FOXP1: variants seen among roughly 807,000 people sequenced by gnomAD.
FOXP1 encodes the protein forkhead box P1, also known as forkhead box protein P1.
In FOXP1, 15 loss-of-function variants were observed where a neutral mutation model predicts 98.2. That is an observed-to-expected ratio of 0.15 (90% confidence interval 0.10 to 0.24). The LOEUF (loss-of-function observed/expected upper bound fraction) is 0.24. FOXP1 is among the 10% of genes least tolerant of loss of function. The pLI is 1.00. For missense variants in FOXP1, 633 were observed against 848.5 expected (o/e 0.75, Z 3.15); for synonymous variants, 371 against 314.5 (o/e 1.18, Z -1.90).
intron 5 of FOXP1, among the ~76,000 whole-genome samples, chr3:71,205,185 G>A (rs945947380): frequency 2.6e-5 from 4 of 152,036 alleles, no homozygotes; most frequent in Non-Finnish European, 2.9e-5. Context: ...GATAAGGGAC[G>A]GCTAAAATTA....
intron 3 of FOXP1, among the ~76,000 whole-genome samples, chr3:71,472,167 T>C (rs760912444): frequency 7.2e-5 from 11 of 152,144 alleles, no homozygotes; most frequent in Non-Finnish European, 1.5e-4. Flanking sequence ...AATTCTTATT[T>C]TGCAGAGGAC....
intron 3 of FOXP1, among the ~76,000 whole-genome samples, chr3:71,423,535 A>G (rs1017610042): frequency 1.3e-5 from 2 of 152,214 alleles, no homozygotes; most frequent in Non-Finnish European, 2.9e-5. Flanking sequence ...TTCTCCTCAC[A>G]CAAAGAGCAT....
At chr3:71,572,966 A>G (rs907109672) in intron 2 of FOXP1, 2 of 152,232 alleles carry the variant, frequency 1.3e-5, no homozygotes, top group African/African-American at 4.8e-5. Flanking sequence ...AAAATGCTTG[A>G]GACCAAGGCA....
intron 4 of FOXP1, among the ~76,000 whole-genome samples, chr3:71,303,598 A>T (rs1222051508): frequency 6.6e-6 from 1 of 152,234 alleles, no homozygotes; most frequent in Non-Finnish European, 1.5e-5. Flanking sequence ...ATATAAGGAC[A>T]TCAACATATA....
chr3:71,459,236 G>A (rs1006866657), intron 3 of FOXP1, among the ~76,000 whole-genome samples: 1 of 152,164 alleles, frequency 6.6e-6, no homozygotes, highest in Non-Finnish European at 1.5e-5. Flanking sequence ...TGGGTATTAG[G>A]TACAGTCTTT....
At chr3:71,573,942 G>A (rs1283567793) in intron 2 of FOXP1, 2 of 152,206 alleles carry the variant, frequency 1.3e-5, no homozygotes, top group East Asian at 1.9e-4. Context: ...AACAAACAAG[G>A]CGGAATGACT....
In FOXP1 at chr3:71,424,340, C is replaced by T. The variant is rs9875892; in HGVS notation, c.-167-65096G>A. On this transcript the variant is annotated intron_variant, in intron 3 of 20. Coordinates refer to ENST00000649528, the MANE Select transcript of FOXP1 (RefSeq NM_001349338.3). ...AATGTCCATCTTTTGCAAGCTCTGG[C>T]GATGTTGCAAGCACTGGGTAGGGCG... Among the ~76,000 whole-genome samples the T allele has an allele frequency of 5.0e-3, 756 of 152,232 alleles. 8 individuals carry two copies. The highest frequency in any genetic ancestry group is 0.017 in the African/African-American group (698 of 41,528).
chr3:71,314,312 C>T lies in FOXP1; in HGVS notation c.-72-14432G>A, dbSNP rs1384572188. 1.3e-5 allele frequency among the ~76,000 whole-genome samples: 2 copies of T among 152,068 alleles called. 1 individual carries two copies. Among genetic ancestry groups the T allele is most frequent in the South Asian group, 4.1e-4 (2 of 4,826 alleles). ...TTAGGAGGCTGAGGTGGGCGGATCT[C>T]AAGGTCAGGAGATTGAGACCATCCT... is the stretch of plus-strand genomic sequence containing the variant. On this transcript the variant is annotated intron_variant, in intron 4 of 20. Transcript: ENST00000649528.
Position 70,958,227 on chromosome 3 carries a change from AGAAAATCC to A in FOXP1, c.*1012_*1019del. On this transcript the variant is annotated 3_prime_UTR_variant, in exon 21 of 21. Coordinates refer to ENST00000649528, the MANE Select transcript of FOXP1 (RefSeq NM_001349338.3). ...AAAAAAAAGAAAAGAAAAGAAAAAA[AGAAAATCC>A]GAAACACCCCTCCCCCGAACCACCC... is the stretch of plus-strand genomic sequence containing the variant. 2.1e-6 allele frequency: 1 copy of A among 480,042 alleles called. No individual in the cohort carries two copies. The allele number at this position is 480,042 out of a possible 1,614,324, so 29.7% of individuals were successfully genotyped here.
At chr3:71,420,231 A>G (rs2083528848) in intron 3 of FOXP1, among the ~76,000 whole-genome samples, 1 of 152,180 alleles carries the variant, frequency 6.6e-6, no homozygotes, top group Non-Finnish European at 1.5e-5. Context: ...AAAGCAATTT[A>G]CAGGAAAAAT....
intron 5 of FOXP1, among the ~76,000 whole-genome samples, chr3:71,200,013 C>T (rs1291934210): frequency 3.3e-5 from 4 of 122,832 alleles, no homozygotes; most frequent in Admixed American, 1.1e-4. Context: ...ACCTGGGAGG[C>T]GGAGGTTGCA....
At chr3:71,213,823 AT>A (rs1449352943) in intron 5 of FOXP1, among the ~76,000 whole-genome samples, 5 of 152,342 alleles carry the variant, frequency 3.3e-5, no homozygotes, top group African/African-American at 7.2e-5. Context: ...TTCAAAAAAA[AT>A]AAAATAAAAA....
intron 2 of FOXP1, among the ~76,000 whole-genome samples, chr3:71,504,599 C>T (rs74438671): frequency 8.5e-4 from 130 of 152,272 alleles, no homozygotes; most frequent in Admixed American, 7.3e-3. Flanking sequence ...AGCTGTCCAA[C>T]GTCTGATGGC....
chr3:71,345,443 C>CATAT (rs1250589026), intron 4 of FOXP1, among the ~76,000 whole-genome samples: 1 of 122,752 alleles, frequency 8.1e-6, no homozygotes, highest in African/African-American at 3.0e-5. Context: ...CACACACACA[C>CATAT]ATATATATAC....
At chr3:71,447,042 G>C (rs1238581592) in intron 3 of FOXP1, among the ~76,000 whole-genome samples, 1 of 152,230 alleles carries the variant, frequency 6.6e-6, no homozygotes, top group South Asian at 2.1e-4. Context: ...CCATCTAAAT[G>C]GGCACTTGAC....
intron 5 of FOXP1, among the ~76,000 whole-genome samples, chr3:71,295,656 G>A (rs950410381): frequency 1.3e-5 from 2 of 152,134 alleles, no homozygotes; most frequent in African/African-American, 2.4e-5. Flanking sequence ...ATATGGCCTT[G>A]ATGATTATCT....
chr3:71,204,485 G>C (rs1411198139), intron 5 of FOXP1, among the ~76,000 whole-genome samples: 1 of 152,162 alleles, frequency 6.6e-6, no homozygotes, highest in Admixed American at 6.5e-5. Context: ...TCAAGCAATG[G>C]AAATCCCAGA....
At chr3:71,136,939 G>A (rs1263273264) in intron 6 of FOXP1, among the ~76,000 whole-genome samples, 1 of 152,104 alleles carries the variant, frequency 6.6e-6, no homozygotes, top group Non-Finnish European at 1.5e-5. Context: ...TTTCTGACCT[G>A]TACCACTATC....
At chr3:71,396,997 CATATATATGTGTAT>C in intron 3 of FOXP1, among the ~76,000 whole-genome samples, 1 of 40,618 alleles carries the variant, frequency 2.5e-5, no homozygotes, top group African/African-American at 1.2e-4. Flanking sequence ...TATATATACA[CATATATATGTGTAT>C]ATATATATAT....
Sources: allele counts gnomAD v4.1 joint callset (sites outside exome capture counted in the v4.1 genomes callset), GRCh38; gene constraint gnomAD v4.1.1; transcripts MANE v1.5; gene names NCBI Gene and HGNC (gene_info 2026-07-23, HGNC 2026-07-21).